DYNC2H1: variants seen among roughly 807,000 people sequenced by gnomAD.
The protein encoded by DYNC2H1 is cytoplasmic dynein 2 heavy chain 1.
DYNC2H1 carries 410 observed loss-of-function variants against 570.0 expected under a neutral mutation model. The ratio of observed to expected loss-of-function variants is 0.72; its 90% CI spans 0.66 to 0.78. The LOEUF is 0.78. Among genes scored for constraint, DYNC2H1 ranks in the 30% least tolerant of loss-of-function variants. The pLI, the probability that DYNC2H1 is intolerant of heterozygous loss-of-function variation, is 0.00. For missense variants in DYNC2H1, 4,865 were observed against 5,046.4 expected (o/e 0.96, Z 1.09); for synonymous variants, 1,688 against 1,677.6 (o/e 1.01, Z -0.15).
rs527662752 is a variant in DYNC2H1 at position 103,478,519 on chromosome 11, T to G, written c.12766-576T>G. ...TCTGAGCTCACCTCTAGATCCAGTT[T>G]ATAGGAATACAAGGAACAGACAGAG... On this transcript the variant is annotated intron_variant, in intron 88 of 88. Coordinates refer to ENST00000375735, the MANE Select transcript of DYNC2H1 (RefSeq NM_001377.3). 2.6e-5 allele frequency among the ~76,000 whole-genome samples: 4 copies of G among 152,240 alleles called. No individual in the cohort carries two copies. The South Asian group carries it at 8.3e-4, about 32-fold the overall frequency.
chr11:103,281,586 T>C (rs1317280237), intron 71 of DYNC2H1, among the ~76,000 whole-genome samples: 1 of 151,966 alleles, frequency 6.6e-6, no homozygotes, highest in Non-Finnish European at 1.5e-5. Context: ...TTTTGCTTAT[T>C]TACTGGCCCG....
chr11:103,127,744 T>C (rs1859071093), intron 12 of DYNC2H1, among the ~76,000 whole-genome samples: 1 of 152,200 alleles, frequency 6.6e-6, no homozygotes, highest in Admixed American at 6.5e-5. Context: ...CACTGTTCCT[T>C]GTAGGATCTG....
At chr11:103,281,005 G>A (rs1402403458) in intron 71 of DYNC2H1, among the ~76,000 whole-genome samples, 1 of 151,712 alleles carries the variant, frequency 6.6e-6, no homozygotes, top group Non-Finnish European at 1.5e-5. Flanking sequence ...TAAAAAAAAA[G>A]CTATTTGCAA....
chr11:103,444,484 C>G (rs893390522), intron 85 of DYNC2H1, among the ~76,000 whole-genome samples: 2 of 152,014 alleles, frequency 1.3e-5, no homozygotes, highest in African/African-American at 4.8e-5. Context: ...GATGTCAGAA[C>G]AGTGTTAAAG....
intron 83 of DYNC2H1, among the ~76,000 whole-genome samples, chr11:103,382,940 T>G (rs1281847708): frequency 2.0e-5 from 3 of 152,206 alleles, no homozygotes; most frequent in Non-Finnish European, 4.4e-5. Flanking sequence ...AACAGTGGAA[T>G]AACTGAGATA....
intron 82 of DYNC2H1, among the ~76,000 whole-genome samples, chr11:103,327,734 A>G (rs781721683): frequency 6.6e-6 from 1 of 152,186 alleles, no homozygotes; most frequent in Non-Finnish European, 1.5e-5. Flanking sequence ...AGCTACCTAT[A>G]TACAGAACTT....
rs1424870055 is a variant in DYNC2H1 at position 103,234,143 on chromosome 11, A to C, written c.9550A>C (p.Lys3184Gln). 3 of 1,584,924 alleles carry C rather than the reference A, an allele frequency of 1.9e-6. No homozygotes were observed. Among genetic ancestry groups the C allele is most frequent in the East Asian group, 2.3e-5 (1 of 43,904 alleles). Reference protein sequence around the residue: ...VLINQLDREHKRWNAQVVEIT... With the variant: ...VLINQLDREHQRWNAQVVEIT... ...AATTAATCAGCTTGACAGAGAACAT[A>C]AGAGATGGAATGCACAGGTTTGTTT... The change falls in exon 61 of 89, where the codon AAG becomes CAG. Residue 3184 changes from lysine (K) to glutamine (Q), a missense_variant. This residue lies in a region of DYNC2H1 where 2,401 missense variants were observed against 2,454.6 expected (regional missense o/e 0.98). Transcript: ENST00000375735.
In DYNC2H1 at chr11:103,176,224, CT is replaced by C. The variant is rs759813466; in HGVS notation, c.5675-5del. On this transcript the variant is annotated splice_polypyrimidine_tract_variant and intron_variant, in intron 36 of 88. Coordinates refer to ENST00000375735, the MANE Select transcript of DYNC2H1 (RefSeq NM_001377.3). ...AATAATAAATAATTTTAAAATGAAACTTTTTTCTAGCTAATGAAAGTCATAT... is the reference window on the plus strand; with the variant it reads ...AATAATAAATAATTTTAAAATGAAACTTTTTCTAGCTAATGAAAGTCATAT... 3.4e-6 allele frequency: 5 copies of C among 1,456,232 alleles called. 1 individual carries two copies. Among genetic ancestry groups the C allele is most frequent in the Non-Finnish European group, 1.8e-6 (2 of 1,110,770 alleles). 90.2% of individuals were successfully genotyped at this position (1,456,232 alleles called of 1,614,324 possible). A position where few individuals can be genotyped will look rare whatever the true frequency, so the allele number is the denominator to read the frequency against.
At chr11:103,169,057 A>T in intron 32 of DYNC2H1, 97 bp downstream of exon 32, 3 of 1,086,370 alleles carry the variant, frequency 2.8e-6, no homozygotes, top group Non-Finnish European at 3.8e-6. Context: ...TTAAGTAGTA[A>T]TTTTTCCATA....
intron 18 of DYNC2H1, among the ~76,000 whole-genome samples, chr11:103,144,798 G>C (rs1344164321): frequency 6.6e-6 from 1 of 152,070 alleles, no homozygotes. Context: ...TGGAAACACA[G>C]ATATACGGTG....
chr11:103,276,191 A>ACACACACC (rs1865899791), intron 70 of DYNC2H1, among the ~76,000 whole-genome samples: 1 of 151,710 alleles, frequency 6.6e-6, no homozygotes, highest in African/African-American at 2.4e-5. Context: ...TGAGTACTAC[A>ACACACACC]CACACACACA....
At chr11:103,372,317 C>G (rs886324679) in intron 83 of DYNC2H1, among the ~76,000 whole-genome samples, 5 of 152,040 alleles carry the variant, frequency 3.3e-5, no homozygotes, top group Non-Finnish European at 7.4e-5. Context: ...CCGCGCCCAG[C>G]CTTTATCTCG....
rs7941666 is a variant in DYNC2H1 at position 103,350,809 on chromosome 11, G to T, written c.12040-7434G>T. Among the ~76,000 whole-genome samples, 8 of 151,908 alleles carry T rather than the reference G, an allele frequency of 5.3e-5. No individual in the cohort carries two copies. In the South Asian group the frequency reaches 8.3e-4, roughly 16 times the overall value. Reference sequence around the variant, plus strand: ...GGTCTCCAGTGTCTCTTCTTCCAGGGACTCAAATCCTATCAGATCAGGCCC... The same window carrying T: ...GGTCTCCAGTGTCTCTTCTTCCAGGTACTCAAATCCTATCAGATCAGGCCC... On this transcript the variant is annotated intron_variant, in intron 82 of 88. Coordinates refer to ENST00000375735, the MANE Select transcript of DYNC2H1 (RefSeq NM_001377.3).
chr11:103,142,592 C>G (rs1860008312), intron 17 of DYNC2H1, among the ~76,000 whole-genome samples: 1 of 152,062 alleles, frequency 6.6e-6, no homozygotes, highest in African/African-American at 2.4e-5. Context: ...TCATTTAAAC[C>G]AGGGAGATGG....
rs776901814 is a variant in DYNC2H1 at position 103,122,949 on chromosome 11, A to C, written c.1610A>C (p.Asp537Ala). 2.5e-6 allele frequency: 4 copies of C among 1,608,870 alleles called. No homozygotes were observed. In the Admixed American group the frequency reaches 5.0e-5, roughly 20 times the overall value. Reference protein sequence around the residue: ...LKLYEQEQFDDWSRDIQSGLS... With the variant: ...LKLYEQEQFDAWSRDIQSGLS... The stretch of plus-strand genomic sequence containing the variant: ...CTATATGAACAGGAACAATTTGATG[A>C]TTGGTCCAGGGATATTCAATCAGGT... Residue 537 changes from aspartate (D) to alanine (A), a missense_variant, in exon 11 of 89, where the codon GAT becomes GCT. Transcript: ENST00000375735.
At chr11:103,371,156 G>A (rs1202046229) in intron 83 of DYNC2H1, among the ~76,000 whole-genome samples, 1 of 152,022 alleles carries the variant, frequency 6.6e-6, no homozygotes, top group Non-Finnish European at 1.5e-5. Flanking sequence ...GTTGAAAAGT[G>A]CAACTGGCAT....
At chr11:103,165,009 C>A (rs1322052709) in intron 30 of DYNC2H1, among the ~76,000 whole-genome samples, 2 of 152,122 alleles carry the variant, frequency 1.3e-5, no homozygotes, top group Non-Finnish European at 2.9e-5. Context: ...TCATCATATA[C>A]CTGATTAAAG....
At chr11:103,128,266 T>C (rs1273589354) in intron 12 of DYNC2H1, among the ~76,000 whole-genome samples, 1 of 152,160 alleles carries the variant, frequency 6.6e-6, no homozygotes, top group Non-Finnish European at 1.5e-5. Context: ...AGGTGTGATA[T>C]ATGTTTAAAG....
chr11:103,176,191 A>C lies in DYNC2H1; in HGVS notation c.5675-44A>C, dbSNP rs915402045. On this transcript the variant is annotated intron_variant, in intron 36 of 88. Transcript: ENST00000375735. Reference sequence around the variant, plus strand: ...AGAATATTTAAAAACTTTTTTCATCATTAAAGTAATAATAAATAATTTTAA... The same window carrying C: ...AGAATATTTAAAAACTTTTTTCATCCTTAAAGTAATAATAAATAATTTTAA... 3 of 1,407,852 alleles carry C rather than the reference A, an allele frequency of 2.1e-6. No individual in the cohort carries two copies. In the African/African-American group the frequency reaches 4.5e-5, roughly 21 times the overall value. The allele number at this position is 1,407,852 out of a possible 1,614,324, so 87.2% of individuals were successfully genotyped here.
Sources: gnomAD v4.1 joint callset for allele counts (sites outside exome capture counted in the v4.1 genomes callset) on GRCh38, gnomAD v4.1.1 for gene constraint, gnomAD v4.1.1 regional missense constraint, MANE v1.5 for transcripts, NCBI Gene and HGNC (gene_info 2026-07-23, HGNC 2026-07-21) for gene names.